The following SCMH1 variants were observed in gnomAD, a reference collection of about 807,000 sequenced individuals.
SCMH1 encodes the protein Scm polycomb group protein homolog 1.
Under a neutral mutation model 70.8 loss-of-function variants are expected in SCMH1, and 37 were observed. The observed-to-expected ratio is 0.52, with a 90% CI of 0.40 to 0.69. The LOEUF is 0.69. SCMH1 is among the 30% of genes least tolerant of loss of function. The pLI, the probability that SCMH1 is intolerant of heterozygous loss-of-function variation, is 0.00. For synonymous variants in SCMH1, 292 were observed against 307.4 expected, an observed-to-expected ratio of 0.95 and a Z score of 0.52; for missense variants, 607 against 827.3, an observed-to-expected ratio of 0.73 and a Z score of 3.27.
intron 10 of SCMH1, among the ~76,000 whole-genome samples, chr1:41,065,304 C>T (rs1654214044): frequency 6.6e-6 from 1 of 152,134 alleles, no homozygotes. Context: ...CATAGTGAGA[C>T]CCCGTCTCTA....
At chr1:41,117,504 T>C (rs1670789670) in intron 6 of SCMH1, among the ~76,000 whole-genome samples, 1 of 151,254 alleles carries the variant, frequency 6.6e-6, no homozygotes, top group African/African-American at 2.4e-5. Context: ...GGAGTCACCC[T>C]TTCCCCGGGG....
chr1:41,101,029 GA>G (rs566819378), intron 8 of SCMH1, among the ~76,000 whole-genome samples: 87 of 137,486 alleles, frequency 6.3e-4, no homozygotes, highest in South Asian at 2.1e-3. Context: ...GAGGCGGGGA[GA>G]AAAAAAAAAA....
rs1662779457 is a variant in SCMH1, at chr1:41,238,187, A to G, written c.-118+3872T>C. Among the ~76,000 whole-genome samples the G allele has an allele frequency of 2.0e-5, 3 of 152,170 alleles. No individual in the cohort carries two copies. The South Asian group carries it at 6.2e-4, about 32-fold the overall frequency. ...CTCTTTCCACTATACTCTGTCTAGA[A>G]AACCATGGGTATATCCTCACTGCTT... On this transcript the variant is annotated intron_variant, in intron 1 of 14. Coordinates refer to ENST00000337495, the Ensembl canonical transcript of SCMH1.
chr1:41,140,547 TC>T (rs1643962891), intron 6 of SCMH1, among the ~76,000 whole-genome samples: 2 of 152,114 alleles, frequency 1.3e-5, no homozygotes, highest in African/African-American at 4.8e-5. Flanking sequence ...CGCCTCGGCC[TC>T]CCAAAGTGCT....
At chr1:41,228,575 G>T (rs999157500) in intron 1 of SCMH1, among the ~76,000 whole-genome samples, 1 of 151,828 alleles carries the variant, frequency 6.6e-6, no homozygotes, top group Non-Finnish European at 1.5e-5. Flanking sequence ...TTAAGCCTAG[G>T]AGTTCAAGAC....
chr1:41,108,309 G>A (rs1056809137), intron 8 of SCMH1, among the ~76,000 whole-genome samples: 1 of 152,176 alleles, frequency 6.6e-6, no homozygotes, highest in African/African-American at 2.4e-5. Flanking sequence ...GTCTCATGTT[G>A]TCTCGCTGCT....
At chr1:41,115,364 G>T (rs1435381204) in intron 7 of SCMH1, among the ~76,000 whole-genome samples, 2 of 152,160 alleles carry the variant, frequency 1.3e-5, no homozygotes, top group Admixed American at 6.5e-5. Context: ...CTAGGAGCAT[G>T]TACATTTATG....
In SCMH1 at chr1:41,030,503, G is replaced by A. The variant is rs116225177; in HGVS notation, c.1679-1777C>T. Among the ~76,000 whole-genome samples, 368 of 152,072 alleles carry A rather than the reference G, an allele frequency of 2.4e-3. 2 individuals carry two copies. Among genetic ancestry groups the A allele is most frequent in the African/African-American group, 8.2e-3 (341 of 41,456 alleles). ...TTATCCTCTGACATGCAATTTCCTG[G>A]GTCTGGAATGTTCTTTTCCCAAATC... On this transcript the variant is annotated intron_variant, in intron 13 of 14. Transcript: ENST00000337495.
intron 13 of SCMH1, among the ~76,000 whole-genome samples, chr1:41,036,194 T>C (rs567717070): frequency 6.6e-6 from 1 of 152,346 alleles, no homozygotes; most frequent in Non-Finnish European, 1.5e-5. Context: ...CTGCTGTTTA[T>C]ACACTGGTGA....
At chr1:41,114,675 C>T (rs1361328186) in intron 7 of SCMH1, among the ~76,000 whole-genome samples, 1 of 151,596 alleles carries the variant, frequency 6.6e-6, no homozygotes. Flanking sequence ...CTCTCTCTCT[C>T]TCTCTCTCTT....
intron 6 of SCMH1, among the ~76,000 whole-genome samples, chr1:41,118,750 C>A (rs897399951): frequency 2.6e-5 from 4 of 152,086 alleles, no homozygotes. Flanking sequence ...CAATTAGAGC[C>A]CCAAGTGCTT....
chr1:41,148,433 T>G (rs1322275742), intron 5 of SCMH1, among the ~76,000 whole-genome samples: 1 of 152,230 alleles, frequency 6.6e-6, no homozygotes, highest in African/African-American at 2.4e-5. Flanking sequence ...GGTGTGAGTC[T>G]GTGAGTAATG....
chr1:41,133,252 T>TCA (rs1642678406), intron 6 of SCMH1, among the ~76,000 whole-genome samples: 1 of 152,226 alleles, frequency 6.6e-6, no homozygotes, highest in Non-Finnish European at 1.5e-5. Flanking sequence ...AAGAGGTCCT[T>TCA]CACATCCTTT....
At chr1:41,034,332 CT>C (rs112747228) in intron 13 of SCMH1, among the ~76,000 whole-genome samples, 155 of 145,706 alleles carry the variant, frequency 1.1e-3, no homozygotes, top group Non-Finnish European at 7.6e-4. Flanking sequence ...CTTTTCTTTT[CT>C]TTTTTTTTTT....
intron 9 of SCMH1, among the ~76,000 whole-genome samples, chr1:41,074,073 T>C (rs12144868): frequency 0.074 from 7,335 of 98,464 alleles, 290 homozygotes; most frequent in African/African-American, 0.15. Context: ...GACAGAAGTC[T>C]TTTTTTTTTT....
chr1:41,079,731 G>A (rs1272360301), intron 8 of SCMH1, among the ~76,000 whole-genome samples: 1 of 152,110 alleles, frequency 6.6e-6, no homozygotes, highest in Non-Finnish European at 1.5e-5. Context: ...GTGTGTGCCT[G>A]TAGCCCTAGC....
chr1:41,134,096 G>T (rs549940012), intron 6 of SCMH1, among the ~76,000 whole-genome samples: 4 of 152,032 alleles, frequency 2.6e-5, no homozygotes, highest in Non-Finnish European at 5.9e-5. Context: ...CAATCAAGTC[G>T]GCTTCATCCC....
chr1:41,208,627 T>A (rs925786262), intron 1 of SCMH1, among the ~76,000 whole-genome samples: 5 of 152,112 alleles, frequency 3.3e-5, no homozygotes, highest in African/African-American at 1.2e-4. Flanking sequence ...CCTGAATGAC[T>A]ACTGGGTAAA....
chr1:41,183,318 A>G (rs900279912), intron 2 of SCMH1, among the ~76,000 whole-genome samples: 5 of 152,228 alleles, frequency 3.3e-5, no homozygotes, highest in African/African-American at 9.6e-5. Flanking sequence ...TAAAATACAA[A>G]TAAGATAAAA....
Sources: allele counts gnomAD v4.1 joint callset (sites outside exome capture counted in the v4.1 genomes callset), GRCh38; gene constraint gnomAD v4.1.1; transcripts MANE v1.5; gene names NCBI Gene and HGNC (gene_info 2026-07-23, HGNC 2026-07-21).